DIAPH3: variants seen among roughly 807,000 people sequenced by gnomAD.
The protein encoded by DIAPH3 is protein diaphanous homolog 3.
A neutral mutation model predicts 144.3 loss-of-function variants in DIAPH3; 117 were observed. The ratio of observed to expected loss-of-function variants is 0.81; its 90% CI spans 0.70 to 0.95. The LOEUF is 0.95. Among genes scored for constraint, DIAPH3 ranks in the 40% least tolerant of loss-of-function variants. The pLI, the probability that DIAPH3 is intolerant of heterozygous loss-of-function variation, is 0.00. For missense variants in DIAPH3, 1,421 were observed against 1,412.7 expected (o/e 1.01, Z -0.09); for synonymous variants, 519 against 488.9 (o/e 1.06, Z -0.81).
At chr13:60,071,660 CTT>C (rs1001177385) in intron 4 of DIAPH3, among the ~76,000 whole-genome samples, 6 of 152,172 alleles carry the variant, frequency 3.9e-5, no homozygotes, top group Non-Finnish European at 7.3e-5. Flanking sequence ...GAACACATAA[CTT>C]TGCCCCTTAC....
At chr13:59,962,599 C>T (rs1277640659) in intron 17 of DIAPH3, among the ~76,000 whole-genome samples, 1 of 152,136 alleles carries the variant, frequency 6.6e-6, no homozygotes, top group Non-Finnish European at 1.5e-5. Context: ...ACGAGGGACT[C>T]CCCTCACAGG....
intron 5 of DIAPH3, among the ~76,000 whole-genome samples, chr13:60,041,736 C>A (rs1274549245): frequency 2.0e-5 from 3 of 152,110 alleles, no homozygotes; most frequent in Non-Finnish European, 4.4e-5. Flanking sequence ...CAGAAATAAT[C>A]ATTCATTTCT....
intron 27 of DIAPH3, among the ~76,000 whole-genome samples, chr13:59,771,982 A>G (rs1157063622): frequency 6.6e-6 from 1 of 152,108 alleles, no homozygotes; most frequent in African/African-American, 2.4e-5. Flanking sequence ...ATCTTTAAAA[A>G]TAAGTTATGA....
intron 27 of DIAPH3, among the ~76,000 whole-genome samples, chr13:59,675,079 A>T (rs1054322974): frequency 2.0e-5 from 3 of 152,188 alleles, no homozygotes; most frequent in African/African-American, 7.2e-5. Context: ...TTTTGTTTTT[A>T]GAGACAGGGT....
chr13:59,890,951 CA>C (rs1358788267), intron 20 of DIAPH3, among the ~76,000 whole-genome samples: 1 of 146,522 alleles, frequency 6.8e-6, no homozygotes, highest in Non-Finnish European at 1.5e-5. Flanking sequence ...CCTTCAAGAG[CA>C]TGACATAAAA....
chr13:59,793,938 A>G (rs953937386), intron 25 of DIAPH3, among the ~76,000 whole-genome samples: 1 of 152,184 alleles, frequency 6.6e-6, no homozygotes, highest in Non-Finnish European at 1.5e-5. Flanking sequence ...CAAATATAAT[A>G]CAGACTGTTC....
At chr13:59,668,301 T>C (rs1248396466) in intron 27 of DIAPH3, among the ~76,000 whole-genome samples, 2 of 152,208 alleles carry the variant, frequency 1.3e-5, no homozygotes, top group Non-Finnish European at 2.9e-5. Flanking sequence ...GCTTGAAAAC[T>C]GCATTTGCAG....
At position 60,163,694 on chromosome 13, in the gene DIAPH3, C is replaced by T; in HGVS notation, c.73G>A (p.Ala25Thr). The T allele has an allele frequency of 6.2e-7, 1 of 1,608,246 alleles. No homozygotes were observed. The highest frequency in any genetic ancestry group is 8.5e-7 in the Non-Finnish European group (1 of 1,176,188). Residue 25 changes from alanine to threonine, a missense_variant, in exon 1 of 28, where the codon GCC becomes ACC. Coordinates refer to ENST00000400324, the MANE Select transcript of DIAPH3 (RefSeq NM_001042517.2). ...SAAGTPYPSS[A>T]SLRGCRESKM... Reference sequence around the variant, plus strand: ...CTTTCCCGGCAGCCGCGGAGAGAGGCTGAGGAAGGGTAGGGAGTCCCAGCG... The same window carrying T: ...CTTTCCCGGCAGCCGCGGAGAGAGGTTGAGGAAGGGTAGGGAGTCCCAGCG...
At chr13:59,864,014 GAACTAAGAGTTAGTAGAC>G (rs750526819) in intron 21 of DIAPH3, among the ~76,000 whole-genome samples, 5 of 152,036 alleles carry the variant, frequency 3.3e-5, no homozygotes, top group Non-Finnish European at 7.4e-5. Flanking sequence ...CATTATAGTG[GAACTAAGAGTTAGTAGAC>G]ACAGTACAAT....
At chr13:59,910,860 G>A (rs1038807299) in intron 20 of DIAPH3, among the ~76,000 whole-genome samples, 5 of 150,456 alleles carry the variant, frequency 3.3e-5, no homozygotes, top group Non-Finnish European at 5.9e-5. Context: ...GTAGCAAGGA[G>A]TAGAATGCGT....
At chr13:59,877,455 T>G (rs531111428) in intron 21 of DIAPH3, among the ~76,000 whole-genome samples, 1 of 152,244 alleles carries the variant, frequency 6.6e-6, no homozygotes, top group East Asian at 1.9e-4. Flanking sequence ...GCAATGATGG[T>G]AATGTGCCAT....
At chr13:60,108,746 A>G (rs1286599560) in intron 3 of DIAPH3, among the ~76,000 whole-genome samples, 1 of 152,188 alleles carries the variant, frequency 6.6e-6, no homozygotes, top group Non-Finnish European at 1.5e-5. Context: ...AAATAAACTT[A>G]AGAGCTAATG....
chr13:60,005,192 A>T (rs906236001), intron 9 of DIAPH3, among the ~76,000 whole-genome samples: 3 of 152,190 alleles, frequency 2.0e-5, no homozygotes, highest in Admixed American at 2.0e-4. Flanking sequence ...AAAATGCAGT[A>T]CTCCAACATG....
intron 27 of DIAPH3, among the ~76,000 whole-genome samples, chr13:59,721,701 T>G (rs1304704285): frequency 1.3e-5 from 2 of 152,286 alleles, no homozygotes; most frequent in East Asian, 1.9e-4. Flanking sequence ...TCTGACAAAA[T>G]AATGGCAACG....
At chr13:59,921,164 T>C (rs1387185906) in intron 18 of DIAPH3, among the ~76,000 whole-genome samples, 1 of 146,098 alleles carries the variant, frequency 6.8e-6, no homozygotes, top group South Asian at 2.1e-4. Flanking sequence ...CAACCTAACA[T>C]TGCACCTGGA....
chr13:59,802,644 A>ATATTAT lies in DIAPH3; in HGVS notation c.3163+8138_3163+8143dup, dbSNP rs777931224. Among the ~76,000 whole-genome samples, 353 of 61,562 alleles carry ATATTAT rather than the reference A, an allele frequency of 5.7e-3. 28 individuals carry two copies. Among genetic ancestry groups the ATATTAT allele is most frequent in the Middle Eastern group, 0.014 (1 of 72 alleles). The allele number at this position is 61,562 out of a possible 152,430, so 40.4% of individuals were successfully genotyped here. On this transcript the variant is annotated intron_variant, in intron 25 of 27. Coordinates refer to ENST00000400324, the MANE Select transcript of DIAPH3 (RefSeq NM_001042517.2). Reference sequence around the variant, plus strand: ...AACAGAGTCTATGACTTATTGATCTATATTATTATTATTATTATTATTATT... The same window carrying ATATTAT: ...AACAGAGTCTATGACTTATTGATCTATATTATTATTATTATTATTATTATTATTATT...
intron 27 of DIAPH3, among the ~76,000 whole-genome samples, chr13:59,757,698 C>T (rs2037361923): frequency 6.6e-6 from 1 of 152,080 alleles, no homozygotes; most frequent in East Asian, 1.9e-4. Flanking sequence ...CCGCGCCCGG[C>T]CTATTATGGG....
At chr13:59,868,396 TAACTTTATATTTTA>T (rs2044056004) in intron 21 of DIAPH3, among the ~76,000 whole-genome samples, 1 of 152,148 alleles carries the variant, frequency 6.6e-6, no homozygotes, top group Non-Finnish European at 1.5e-5. Context: ...TATTAATAAT[TAACTTTATATTTTA>T]GACTTTATAT....
At chr13:60,041,696 T>C (rs1210478772) in intron 5 of DIAPH3, among the ~76,000 whole-genome samples, 1 of 152,140 alleles carries the variant, frequency 6.6e-6, no homozygotes, top group African/African-American at 2.4e-5. Context: ...CACGTATAGA[T>C]ACATGACTAC....
Sources: allele counts gnomAD v4.1 joint callset (sites outside exome capture counted in the v4.1 genomes callset), GRCh38; gene constraint gnomAD v4.1.1; transcripts MANE v1.5; gene names NCBI Gene and HGNC (gene_info 2026-07-23, HGNC 2026-07-21).